RNF180: variants seen among roughly 807,000 people sequenced by gnomAD.
RNF180 encodes ring finger protein 180.
In RNF180, 38 loss-of-function variants were observed where a neutral mutation model predicts 59.2. That is an observed-to-expected ratio of 0.64 (90% CI 0.50 to 0.84). The LOEUF (loss-of-function observed/expected upper bound fraction) is 0.84, where lower values mean the gene tolerates loss of function less well. Ranked by LOEUF, RNF180 falls within the 40% of genes least tolerant of loss-of-function variation. RNF180 has a pLI of 0.00. For synonymous variants in RNF180, 262 were observed against 240.3 expected (o/e 1.09, Z -0.84); for missense variants, 705 against 700.9 (o/e 1.01, Z -0.07).
intron 2 of RNF180, 66 bp downstream of exon 2, chr5:64,201,008 A>G (rs1751714183): frequency 3.3e-6 from 4 of 1,217,076 alleles, no homozygotes; most frequent in East Asian, 2.3e-5. Context: ...ATCCACACAC[A>G]TGCACACTTA....
At chr5:64,211,439 ATC>A (rs944791667) in intron 2 of RNF180, among the ~76,000 whole-genome samples, 1 of 152,148 alleles carries the variant, frequency 6.6e-6, no homozygotes, top group African/African-American at 2.4e-5. Flanking sequence ...CAGTTTTAGC[ATC>A]TCTCATGTAA....
intron 2 of RNF180, among the ~76,000 whole-genome samples, chr5:64,207,379 C>G (rs1323500813): frequency 2.0e-5 from 3 of 152,006 alleles, no homozygotes; most frequent in Non-Finnish European, 2.9e-5. Flanking sequence ...GGAGAACATT[C>G]CAAGATTCAG....
chr5:64,212,886 C>A (rs1051528601), intron 3 of RNF180, among the ~76,000 whole-genome samples: 1 of 152,188 alleles, frequency 6.6e-6, no homozygotes, highest in Non-Finnish European at 1.5e-5. Flanking sequence ...TGATAGATAT[C>A]CCTTTTCACA....
chr5:64,220,119 T>G (rs183068867), intron 5 of RNF180, among the ~76,000 whole-genome samples: 3 of 152,146 alleles, frequency 2.0e-5, no homozygotes, highest in Non-Finnish European at 4.4e-5. Context: ...TCTCCTTTTT[T>G]TAGTCTTGCT....
intron 5 of RNF180, among the ~76,000 whole-genome samples, chr5:64,238,312 A>C (rs975905845): frequency 6.6e-6 from 1 of 152,348 alleles, no homozygotes; most frequent in South Asian, 2.1e-4. Context: ...AGGAAATCTA[A>C]TATCTATTTG....
chr5:64,171,474 C>G (rs1276956609), intron 1 of RNF180, among the ~76,000 whole-genome samples: 1 of 152,156 alleles, frequency 6.6e-6, no homozygotes, highest in Non-Finnish European at 1.5e-5. Flanking sequence ...CAGACTATTG[C>G]AAGTACATGC....
chr5:64,181,278 A>G (rs1198689627), intron 1 of RNF180, among the ~76,000 whole-genome samples: 1 of 152,204 alleles, frequency 6.6e-6, no homozygotes. Flanking sequence ...ACACCCAGGA[A>G]CAATACTTTG....
intron 7 of RNF180, among the ~76,000 whole-genome samples, chr5:64,362,445 T>G (rs1049973419): frequency 3.3e-5 from 5 of 151,916 alleles, no homozygotes; most frequent in African/African-American, 9.7e-5. Context: ...TGCATAGTAA[T>G]CCGTAGTGTA....
intron 5 of RNF180, among the ~76,000 whole-genome samples, chr5:64,291,907 A>T (rs988408456): frequency 6.6e-6 from 1 of 152,008 alleles, no homozygotes; most frequent in Non-Finnish European, 1.5e-5. Flanking sequence ...AAGCTCTGAG[A>T]TTCTGTCCTT....
intron 1 of RNF180, among the ~76,000 whole-genome samples, chr5:64,181,014 C>G (rs948284735): frequency 6.6e-6 from 1 of 152,176 alleles, no homozygotes; most frequent in African/African-American, 2.4e-5. Flanking sequence ...TGGCAAACCA[C>G]TGGTATAGGT....
chr5:64,361,099 A>G (rs968190890), intron 7 of RNF180, among the ~76,000 whole-genome samples: 24 of 151,434 alleles, frequency 1.6e-4, no homozygotes, highest in Non-Finnish European at 3.0e-4. Context: ...ACATTGATCC[A>G]TGGAAAATTG....
intron 5 of RNF180, among the ~76,000 whole-genome samples, chr5:64,221,416 C>G (rs1472060218): frequency 6.6e-6 from 1 of 152,052 alleles, no homozygotes; most frequent in Non-Finnish European, 1.5e-5. Flanking sequence ...TATATTGAAA[C>G]AGATCATTAT....
Position 64,200,823 on chromosome 5 carries a change from G to A in RNF180, c.16G>A (p.Glu6Lys). 1 of 1,612,138 alleles carries A rather than the reference G, an allele frequency of 6.2e-7. No individual in the cohort carries two copies. The highest frequency in any genetic ancestry group is 8.5e-7 in the Non-Finnish European group (1 of 1,178,718). Reference protein sequence around the residue: MKRSKELITKNHSQEE... With the variant: MKRSKKLITKNHSQEE... Reference sequence around the variant, plus strand: ...GTTTCCGCAGATGAAAAGAAGCAAAGAATTGATAACTAAAAATCATAGTCA... The same window carrying A: ...GTTTCCGCAGATGAAAAGAAGCAAAAAATTGATAACTAAAAATCATAGTCA... Residue 6 changes from glutamate (E) to lysine (K), a missense_variant, in exon 2 of 8, where the codon GAA becomes AAA. Transcript: ENST00000389100.
At chr5:64,192,900 C>CATTTATATAT (rs1174084249) in intron 1 of RNF180, among the ~76,000 whole-genome samples, 7 of 32,852 alleles carry the variant, frequency 2.1e-4, no homozygotes, top group Admixed American at 3.9e-4. Flanking sequence ...GAAAGTGTGG[C>CATTTATATAT]ATGTATATAT....
intron 7 of RNF180, among the ~76,000 whole-genome samples, chr5:64,341,557 G>C (rs1354017105): frequency 2.0e-5 from 3 of 152,114 alleles, no homozygotes. Flanking sequence ...AATCATTCTG[G>C]GAAACTGTGG....
intron 1 of RNF180, among the ~76,000 whole-genome samples, chr5:64,179,148 A>G (rs1214232391): frequency 1.3e-5 from 2 of 152,186 alleles, no homozygotes; most frequent in Non-Finnish European, 2.9e-5. Context: ...CATATTTTTC[A>G]TATTCACAAA....
intron 5 of RNF180, among the ~76,000 whole-genome samples, chr5:64,251,385 T>A (rs1743565726): frequency 1.3e-5 from 2 of 152,168 alleles, no homozygotes; most frequent in Admixed American, 6.6e-5. Context: ...ATTCAAATTG[T>A]CCCTGTTTGC....
intron 7 of RNF180, among the ~76,000 whole-genome samples, chr5:64,351,982 G>A (rs1260697769): frequency 1.3e-5 from 2 of 152,060 alleles, no homozygotes; most frequent in African/African-American, 4.8e-5. Context: ...AATGGTACCA[G>A]CTCCTCCTTG....
chr5:64,304,120 G>A (rs980645052), intron 5 of RNF180, among the ~76,000 whole-genome samples: 1 of 151,084 alleles, frequency 6.6e-6, no homozygotes, highest in African/African-American at 2.4e-5. Flanking sequence ...GCCCACTATT[G>A]AGATCTCCTT....
Sources: gnomAD v4.1 joint callset for allele counts (sites outside exome capture counted in the v4.1 genomes callset) on GRCh38, gnomAD v4.1.1 for gene constraint, MANE v1.5 for transcripts, NCBI Gene and HGNC (gene_info 2026-07-23, HGNC 2026-07-21) for gene names.